COG2: variants seen among roughly 807,000 people sequenced by gnomAD.
COG2 encodes the protein conserved oligomeric Golgi complex subunit 2.
COG2 carries 52 observed loss-of-function variants against 90.6 expected under a neutral mutation model. The observed-to-expected ratio is 0.57, with a 90% CI of 0.46 to 0.72. The LOEUF (loss-of-function observed/expected upper bound fraction) is 0.72. Ranked by LOEUF, COG2 falls within the 30% of genes least tolerant of loss-of-function variation. The pLI, the probability that COG2 is intolerant of heterozygous loss-of-function variation, is 0.00. For missense variants in COG2, 829 were observed against 891.2 expected (o/e 0.93, Z 0.89); for synonymous variants, 337 against 320.4 (o/e 1.05, Z -0.55).
At chr1:230,657,845 G>A (rs547806200) in intron 1 of COG2, among the ~76,000 whole-genome samples, 9 of 151,330 alleles carry the variant, frequency 5.9e-5, no homozygotes, top group Non-Finnish European at 1.0e-4. Flanking sequence ...CCTTTCTTCC[G>A]CTTGATTGAT....
chr1:230,690,076 G>A lies in COG2; in HGVS notation c.1857G>A (p.Gln619=). The A allele has an allele frequency of 6.2e-7, 1 of 1,613,368 alleles. No individual in the cohort carries two copies. Among genetic ancestry groups the A allele is most frequent in the Non-Finnish European group, 8.5e-7 (1 of 1,179,668 alleles). Reference sequence around the variant, plus strand: ...CTCTGAAGCCCTTATTCCAGCTTCAGAGCGGACACAAGGATAAGCTCAAAC... The same window carrying A: ...CTCTGAAGCCCTTATTCCAGCTTCAAAGCGGACACAAGGATAAGCTCAAAC... The part of the protein sequence containing the change: ...DSALKPLFQL[Q]SGHKDKLKQA... The change falls in exon 16 of 18, where the codon CAG becomes CAA. Residue 619 remains glutamine (Q), a synonymous_variant. Coordinates refer to ENST00000366669, the MANE Select transcript of COG2 (RefSeq NM_007357.3).
chr1:230,678,872 A>G (rs779045293), intron 9 of COG2, 41 bp from the exon 10 acceptor site: 6 of 1,596,620 alleles, frequency 3.8e-6, no homozygotes, highest in Non-Finnish European at 5.1e-6. Flanking sequence ...TGTTCTAGTT[A>G]GTGTTCTAAT....
chr1:230,670,259 AC>A (rs984234146), intron 7 of COG2: 1 of 152,252 alleles, frequency 6.6e-6, no homozygotes, highest in Non-Finnish European at 1.5e-5. Context: ...TTTCTGACAT[AC>A]AAAAACAGCA....
intron 16 of COG2, 128 bp from the exon 17 acceptor site, chr1:230,691,256 G>A: frequency 1.5e-6 from 1 of 668,056 alleles, no homozygotes; most frequent in South Asian, 2.3e-5. Context: ...TACTTACCGT[G>A]GTTGAATTTT....
chr1:230,660,138 C>G (rs1330144539), intron 2 of COG2, among the ~76,000 whole-genome samples: 1 of 152,118 alleles, frequency 6.6e-6, no homozygotes, highest in East Asian at 1.9e-4. Flanking sequence ...TTTAATACTC[C>G]CAAAGTTTGC....
chr1:230,656,153 T>C (rs2102746785), intron 1 of COG2, among the ~76,000 whole-genome samples: 1 of 152,322 alleles, frequency 6.6e-6, no homozygotes, highest in African/African-American at 2.4e-5. Flanking sequence ...TGCTAGCTTT[T>C]GAATTTGTCT....
chr1:230,692,727 CTG>C (rs3838303), intron 17 of COG2, among the ~76,000 whole-genome samples: 49,134 of 151,338 alleles, frequency 0.32, 9,510 homozygotes, highest in Non-Finnish European at 0.44. Context: ...GGATCTTTCT[CTG>C]TGCGTGTGTG....
At chr1:230,690,220 C>A in intron 16 of COG2, 67 bp downstream of exon 16, 3 of 1,397,520 alleles carry the variant, frequency 2.1e-6, no homozygotes, top group Non-Finnish European at 3.0e-6. Context: ...ACCCCCAAGG[C>A]AATCAAGCAC....
At chr1:230,661,695 G>A (rs1447399216) in intron 3 of COG2, 3 of 151,958 alleles carry the variant, frequency 2.0e-5, no homozygotes, top group Non-Finnish European at 4.4e-5. Context: ...AAAAAAAAAT[G>A]CAAAATAATA....
intron 11 of COG2, 69 bp downstream of exon 11, chr1:230,683,704 G>A: frequency 9.7e-7 from 1 of 1,027,190 alleles, no homozygotes; most frequent in Non-Finnish European, 1.5e-6. Context: ...AAGTCATCTG[G>A]ATTGCAGTAT....
chr1:230,652,462 G>T (rs1053482581), intron 1 of COG2, among the ~76,000 whole-genome samples: 7 of 152,160 alleles, frequency 4.6e-5, no homozygotes, highest in African/African-American at 1.7e-4. Flanking sequence ...CCTATTGAAA[G>T]AAATCATATT....
At position 230,693,612 on chromosome 1, in the gene COG2, GT is replaced by G; in HGVS notation, c.*224del. ...GCCTTTTTCCATTGTATGGAAGATA[GT>G]TTTTAAGACATTTGAAACTTTCTAC... On this transcript the variant is annotated 3_prime_UTR_variant, in exon 18 of 18. Transcript: ENST00000366669. 1 of 388,588 alleles carries G rather than the reference GT, an allele frequency of 2.6e-6. No individual in the cohort carries two copies. Among genetic ancestry groups the G allele is most frequent in the Non-Finnish European group, 4.6e-6 (1 of 218,302 alleles). 24.1% of individuals were successfully genotyped at this position (388,588 alleles called of 1,614,324 possible). A position where few individuals can be genotyped will look rare whatever the true frequency, so the allele number is the denominator to read the frequency against.
At chr1:230,658,220 C>A (rs1388161726) in intron 1 of COG2, among the ~76,000 whole-genome samples, 1 of 152,140 alleles carries the variant, frequency 6.6e-6, no homozygotes, top group Non-Finnish European at 1.5e-5. Context: ...TACCTTTGGT[C>A]TTTGATGTTG....
At chr1:230,647,709 G>T (rs1571940280) in intron 1 of COG2, among the ~76,000 whole-genome samples, 1 of 152,166 alleles carries the variant, frequency 6.6e-6, no homozygotes, top group East Asian at 1.9e-4. Context: ...TCTTGTAAAT[G>T]GTGTAGTATT....
chr1:230,691,474 C>T lies in COG2; in HGVS notation c.2025C>T (p.Pro675=), dbSNP rs775728088. 133 of 1,613,986 alleles carry T rather than the reference C, an allele frequency of 8.2e-5. No homozygotes were observed. Among genetic ancestry groups the T allele is most frequent in the Non-Finnish European group, 1.0e-4 (119 of 1,180,040 alleles). ...KRLKQARKTT[P]ANPVGPSGGM... ...TGAAACAAGCCAGAAAAACCACTCC[C>T]GCCAACCCCGTCGGTCCCAGTGGTG... The change falls in exon 17 of 18, where the codon CCC becomes CCT. Residue 675 remains proline, a synonymous_variant. Coordinates refer to ENST00000366669, the MANE Select transcript of COG2 (RefSeq NM_007357.3).
At chr1:230,657,325 A>G (rs1662083209) in intron 1 of COG2, among the ~76,000 whole-genome samples, 1 of 152,100 alleles carries the variant, frequency 6.6e-6, no homozygotes, top group Admixed American at 6.6e-5. Flanking sequence ...TTGCTTATGA[A>G]GCTTAGTTTG....
At chr1:230,691,931 A>T (rs1663041019) in intron 17 of COG2, 1 of 183,172 alleles carries the variant, frequency 5.5e-6, no homozygotes, top group African/African-American at 2.4e-5. Flanking sequence ...AAAATAACTG[A>T]AAGCATTACC....
intron 1 of COG2, among the ~76,000 whole-genome samples, chr1:230,645,502 C>T (rs1411789537): frequency 1.3e-5 from 2 of 152,110 alleles, no homozygotes; most frequent in Non-Finnish European, 2.9e-5. Context: ...GCATTTGTAC[C>T]TGTTCTCACT....
intron 1 of COG2, among the ~76,000 whole-genome samples, chr1:230,645,977 T>C (rs1052953604): frequency 1.3e-5 from 2 of 152,128 alleles, no homozygotes; most frequent in Non-Finnish European, 2.9e-5. Flanking sequence ...CCACAGGTAG[T>C]TGGGGACGCT....
Sources: gnomAD v4.1 joint callset for allele counts (sites outside exome capture counted in the v4.1 genomes callset) on GRCh38, gnomAD v4.1.1 for gene constraint, MANE v1.5 for transcripts, NCBI Gene and HGNC (gene_info 2026-07-23, HGNC 2026-07-21) for gene names.